Variants in PLEKHO2 observed in about 807,000 individuals in gnomAD.
The protein encoded by PLEKHO2 is pleckstrin homology domain-containing family O member 2.
In PLEKHO2, 20 loss-of-function variants were observed where a neutral mutation model predicts 32.7. The ratio of observed to expected loss-of-function variants is 0.61; its 90% CI spans 0.43 to 0.89. The LOEUF (loss-of-function observed/expected upper bound fraction) is 0.89. Among genes scored for constraint, PLEKHO2 ranks in the 40% least tolerant of loss-of-function variants. PLEKHO2 has a pLI of 0.00. For synonymous variants in PLEKHO2, 247 were observed against 246.3 expected (o/e 1.00, Z -0.03); for missense variants, 568 against 621.2 (o/e 0.91, Z 0.91).
Position 64,865,663 on chromosome 15 carries a change from G to A in PLEKHO2, c.1248G>A (p.Val416=). The change falls in exon 6 of 6, where the codon GTG becomes GTA. Residue 416 remains valine (V), a synonymous_variant. Transcript: ENST00000323544. ...GGCTATATCGGGCCCAGCTGGAGGTGAAGGTGGCCTCGGAACAGACGGAGA... is the reference window on the plus strand; with the variant it reads ...GGCTATATCGGGCCCAGCTGGAGGTAAAGGTGGCCTCGGAACAGACGGAGA... ...RERLYRAQLE[V]KVASEQTEKL... is the part of the protein sequence containing the mutation. 2 of 1,614,258 alleles carry A rather than the reference G, an allele frequency of 1.2e-6. No homozygotes were observed. The highest frequency in any genetic ancestry group is 1.7e-6 in the Non-Finnish European group (2 of 1,180,044).
At position 64,851,849 on chromosome 15, in the gene PLEKHO2, G is replaced by A. The variant is rs187737708; in HGVS notation, c.163-3072G>A. 2.4e-3 allele frequency among the ~76,000 whole-genome samples: 359 copies of A among 152,210 alleles called. 1 individual carries two copies. The highest frequency in any genetic ancestry group is 8.2e-3 in the African/African-American group (340 of 41,526). On this transcript the variant is annotated intron_variant, in intron 2 of 5. Coordinates refer to ENST00000323544, the MANE Select transcript of PLEKHO2 (RefSeq NM_025201.5). ...GGCCAGTGGCGGTCCAGTTAGTGGA[G>A]GCCTGTGGACACGGGGCAAGTAAGC...
intron 3 of PLEKHO2, among the ~76,000 whole-genome samples, chr15:64,857,316 T>C (rs999420328): frequency 1.3e-5 from 2 of 152,168 alleles, no homozygotes; most frequent in Non-Finnish European, 2.9e-5. Context: ...AGGATGGTTT[T>C]TGGGGAGAGG....
chr15:64,865,924 A>G lies in PLEKHO2; in HGVS notation c.*36A>G, dbSNP rs539739520. ...GCCAGAGGCACCATCCCTTCTGGCC[A>G]TCCATCAAGTCCATCAAGGCCCAGC... is the stretch of plus-strand genomic sequence containing the variant. On this transcript the variant is annotated 3_prime_UTR_variant, in exon 6 of 6. Coordinates refer to ENST00000323544, the MANE Select transcript of PLEKHO2 (RefSeq NM_025201.5). The G allele has an allele frequency of 1.3e-6, 2 of 1,572,852 alleles. No individual in the cohort carries two copies. Among genetic ancestry groups the G allele is most frequent in the East Asian group, 2.2e-5 (1 of 44,466 alleles).
rs142594596 is a variant in PLEKHO2 at position 64,846,232 on chromosome 15, G to A, written c.13-2361G>A. ...GGAGAGCCTTTCCCTTCTTGTCAAAGGGTGCTGAAATCCCTCTTCTCCTGG... is the reference window on the plus strand; with the variant it reads ...GGAGAGCCTTTCCCTTCTTGTCAAAAGGTGCTGAAATCCCTCTTCTCCTGG... On this transcript the variant is annotated intron_variant, in intron 1 of 5. Coordinates refer to ENST00000323544, the MANE Select transcript of PLEKHO2 (RefSeq NM_025201.5). Among the ~76,000 whole-genome samples, 48 of 152,266 alleles carry A rather than the reference G, an allele frequency of 3.2e-4. 1 individual carries two copies. The highest frequency in any genetic ancestry group is 6.8e-3 in the Middle Eastern group (2 of 294).
Position 64,864,912 on chromosome 15 carries a change from C to G in PLEKHO2, c.497C>G (p.Ala166Gly). Reference protein sequence around the residue: ...RVHLKEVASAASDGLLRLDLD... With the variant: ...RVHLKEVASAGSDGLLRLDLD... ...CCCCCCCACCAGGTGGCCAGTGCAG[C>G]TTCTGACGGTCTTCTGCGCCTGGAT... is the stretch of plus-strand genomic sequence containing the variant. The change falls in exon 6 of 6, where the codon GCT becomes GGT. Residue 166 changes from alanine to glycine, a missense_variant. Transcript: ENST00000323544. The G allele has an allele frequency of 6.2e-7, 1 of 1,606,994 alleles. No homozygotes were observed. The highest frequency in any genetic ancestry group is 8.5e-7 in the Non-Finnish European group (1 of 1,175,698).
At chr15:64,858,385 C>CTATCTAA (rs1174991198) in intron 3 of PLEKHO2, among the ~76,000 whole-genome samples, 1 of 152,110 alleles carries the variant, frequency 6.6e-6, no homozygotes, top group Non-Finnish European at 1.5e-5. Context: ...AGGGGAGGTA[C>CTATCTAA]TATCTAACAC....
rs1296979011 is a variant in PLEKHO2, at chr15:64,866,172, G to A, written c.*284G>A. ...CACGCTGGGACCTATGTGTTTGTGT[G>A]GTCGTTCCAAACTGCCCCAGGGCTT... On this transcript the variant is annotated 3_prime_UTR_variant, in exon 6 of 6. Coordinates refer to ENST00000323544, the MANE Select transcript of PLEKHO2 (RefSeq NM_025201.5). 3 of 532,398 alleles carry A rather than the reference G, an allele frequency of 5.6e-6. No homozygotes were observed. Among genetic ancestry groups the A allele is most frequent in the Middle Eastern group, 5.8e-4 (2 of 3,432 alleles). The allele number at this position is 532,398 out of a possible 1,614,324, so 33.0% of individuals were successfully genotyped here.
At position 64,864,892 on chromosome 15, in the gene PLEKHO2, C is replaced by CG. The variant is rs371213556; in HGVS notation, c.484-7_484-6insG. Reference sequence around the variant, plus strand: ...AGATGACACCCATATACCATCCCCCCCACCAGGTGGCCAGTGCAGCTTCTG... The same window carrying CG: ...AGATGACACCCATATACCATCCCCCCGCACCAGGTGGCCAGTGCAGCTTCTG... On this transcript the variant is annotated splice_region_variant and splice_polypyrimidine_tract_variant and intron_variant, in intron 5 of 5. Coordinates refer to ENST00000323544, the MANE Select transcript of PLEKHO2 (RefSeq NM_025201.5). 1.3e-6 allele frequency: 2 copies of CG among 1,580,878 alleles called. No individual in the cohort carries two copies. The highest frequency in any genetic ancestry group is 1.8e-5 in the Admixed American group (1 of 57,132).
intron 1 of PLEKHO2, among the ~76,000 whole-genome samples, chr15:64,842,703 G>T (rs2084494459): frequency 6.6e-6 from 1 of 152,136 alleles, no homozygotes; most frequent in African/African-American, 2.4e-5. Flanking sequence ...TCTGATCTTA[G>T]TCCCTGCCTT....
At chr15:64,842,390 C>CTGTGTG (rs1184410989) in intron 1 of PLEKHO2, among the ~76,000 whole-genome samples, 2 of 145,192 alleles carry the variant, frequency 1.4e-5, no homozygotes, top group African/African-American at 5.2e-5. Flanking sequence ...CTCTCTCTCT[C>CTGTGTG]TGTGTGTGTG....
chr15:64,862,151 AG>A (rs2084645791), intron 5 of PLEKHO2, among the ~76,000 whole-genome samples: 1 of 152,026 alleles, frequency 6.6e-6, no homozygotes, highest in Admixed American at 6.6e-5. Flanking sequence ...GGGTCTGAGA[AG>A]GGGGTTGTGG....
intron 1 of PLEKHO2, among the ~76,000 whole-genome samples, chr15:64,847,207 C>T (rs905649467): frequency 4.6e-5 from 7 of 152,206 alleles, no homozygotes; most frequent in Non-Finnish European, 7.3e-5. Context: ...ACCAGGGAAG[C>T]CAGGTCTTCC....
intron 2 of PLEKHO2, 108 bp from the exon 3 acceptor site, chr15:64,854,812 AC>A (rs1406058086): frequency 2.4e-6 from 2 of 830,198 alleles, no homozygotes; most frequent in African/African-American, 3.3e-5. Context: ...CCTCCCTCTA[AC>A]CAAGTGATGT....
In PLEKHO2 at chr15:64,865,670, G is replaced by T. The variant is rs2084679196; in HGVS notation, c.1255G>T (p.Ala419Ser). Residue 419 changes from alanine (A) to serine (S), a missense_variant, in exon 6 of 6, where the codon GCC becomes TCC. By Grantham distance (99) the Ala-to-Ser change is moderately conservative. Coordinates refer to ENST00000323544, the MANE Select transcript of PLEKHO2 (RefSeq NM_025201.5). ...TCGGGCCCAGCTGGAGGTGAAGGTG[G>T]CCTCGGAACAGACGGAGAAACTGTT... ...LYRAQLEVKV[A>S]SEQTEKLLNK... 2 of 1,614,114 alleles carry T rather than the reference G, an allele frequency of 1.2e-6. No homozygotes were observed. Among genetic ancestry groups the T allele is most frequent in the African/African-American group, 2.7e-5 (2 of 74,934 alleles).
intron 3 of PLEKHO2, among the ~76,000 whole-genome samples, chr15:64,857,751 G>A (rs2084615151): frequency 6.6e-6 from 1 of 152,188 alleles, no homozygotes; most frequent in Non-Finnish European, 1.5e-5. Context: ...GCAGAAGAGA[G>A]CCGAGGCAGC....
At chr15:64,853,000 G>A (rs1007123166) in intron 2 of PLEKHO2, among the ~76,000 whole-genome samples, 9 of 151,254 alleles carry the variant, frequency 6.0e-5, no homozygotes, top group Admixed American at 3.3e-4. Flanking sequence ...TTAGCCGGGC[G>A]TGGTGGTAGG....
rs200222742 is a variant in PLEKHO2 at position 64,865,829 on chromosome 15, C to T, written c.1414C>T (p.Pro472Ser). ...RDLGELSQEA[P>S]GLREKRKELV... The stretch of plus-strand genomic sequence containing the variant: ...TTTGGGAGAGCTGAGCCAGGAAGCA[C>T]CTGGGCTAAGGGAGAAGCGGAAGGA... The change falls in exon 6 of 6, where the codon CCT (proline) becomes TCT (serine). Residue 472 changes from proline (P) to serine (S), a missense_variant. Coordinates refer to ENST00000323544, the MANE Select transcript of PLEKHO2 (RefSeq NM_025201.5). The T allele has an allele frequency of 1.9e-6, 3 of 1,613,124 alleles. No individual in the cohort carries two copies. In the Admixed American group the frequency reaches 5.0e-5, roughly 27 times the overall value.
intron 1 of PLEKHO2, among the ~76,000 whole-genome samples, chr15:64,843,958 C>G (rs1199833723): frequency 6.6e-6 from 1 of 152,180 alleles, no homozygotes; most frequent in African/African-American, 2.4e-5. Flanking sequence ...CCACTTTACC[C>G]AAGCCCCTGC....
chr15:64,852,649 C>T (rs1023012518), intron 2 of PLEKHO2, among the ~76,000 whole-genome samples: 8 of 151,546 alleles, frequency 5.3e-5, no homozygotes, highest in Admixed American at 2.0e-4. Context: ...GAGAAGGAGT[C>T]GCCCTCTGTC....
Sources: allele counts gnomAD v4.1 joint callset (sites outside exome capture counted in the v4.1 genomes callset), GRCh38; gene constraint gnomAD v4.1.1; transcripts MANE v1.5; gene names NCBI Gene and HGNC (gene_info 2026-07-23, HGNC 2026-07-21).